RANBP2: variants seen among roughly 807,000 people sequenced by gnomAD.
RANBP2 encodes E3 SUMO-protein ligase RanBP2.
A neutral mutation model predicts 303.6 loss-of-function variants in RANBP2; 57 were observed. That is an observed-to-expected ratio of 0.19 (90% CI 0.15 to 0.23). The LOEUF (loss-of-function observed/expected upper bound fraction) is 0.23, where lower values mean the gene tolerates loss of function less well. Among genes scored for constraint, RANBP2 ranks in the 10% least tolerant of loss-of-function variants. RANBP2 has a pLI of 1.00. For missense variants in RANBP2, 3,138 were observed against 3,780.8 expected, an observed-to-expected ratio of 0.83 and a Z score of 4.46; for synonymous variants, 1,167 against 1,301.5, an observed-to-expected ratio of 0.90 and a Z score of 2.23.
chr2:108,876,212 T>C, the RANBP2 span: 1 of 1,613,108 alleles, frequency 6.2e-7, no homozygotes, highest in Non-Finnish European at 8.5e-7. Context: ...CAATCTGGGT[T>C]TAACAAAATG....
chr2:109,522,725 T>A, the RANBP2 span, among the ~76,000 whole-genome samples: 12 of 152,108 alleles, frequency 7.9e-5, no homozygotes, highest in African/African-American at 2.7e-4. Flanking sequence ...GGCCCTGGCA[T>A]CAGCATCTCC....
chr2:108,977,399 G>A, the RANBP2 span, among the ~76,000 whole-genome samples: 2 of 152,156 alleles, frequency 1.3e-5, no homozygotes, highest in Non-Finnish European at 2.9e-5. Context: ...CTCCCAAGTA[G>A]CTGGGACTAC....
the RANBP2 span, among the ~76,000 whole-genome samples, chr2:109,365,501 T>C: frequency 6.6e-6 from 1 of 152,222 alleles, no homozygotes; most frequent in African/African-American, 2.4e-5. Flanking sequence ...AGTTGCTTTT[T>C]CAGTTTGTTC....
the RANBP2 span, among the ~76,000 whole-genome samples, chr2:109,549,651 G>A: frequency 2.0e-5 from 3 of 152,134 alleles, no homozygotes; most frequent in African/African-American, 4.8e-5. Flanking sequence ...AGTATGGTAC[G>A]ATAGTCCCCC....
the RANBP2 span, among the ~76,000 whole-genome samples, chr2:109,324,089 C>T: frequency 6.6e-6 from 1 of 152,212 alleles, no homozygotes; most frequent in Non-Finnish European, 1.5e-5. Context: ...TTACTTCTTT[C>T]ACTTAGCATA....
chr2:108,876,034 C>A, the RANBP2 span: 1 of 1,152,912 alleles, frequency 8.7e-7, no homozygotes, highest in South Asian at 1.5e-5. Context: ...AGTGTCATTG[C>A]AGATAAACTC....
the RANBP2 span, among the ~76,000 whole-genome samples, chr2:109,151,843 T>C: frequency 6.6e-6 from 1 of 152,252 alleles, no homozygotes; most frequent in Non-Finnish European, 1.5e-5. Flanking sequence ...GGCAACAATA[T>C]GACATTTCCT....
chr2:109,117,077 C>T, the RANBP2 span, among the ~76,000 whole-genome samples: 2 of 152,238 alleles, frequency 1.3e-5, no homozygotes, highest in Non-Finnish European at 2.9e-5. Context: ...GCTCAGGGAT[C>T]AGGGGTCAGG....
chr2:109,603,202 C>A, the RANBP2 span, among the ~76,000 whole-genome samples: 1 of 152,038 alleles, frequency 6.6e-6, no homozygotes, highest in Admixed American at 6.6e-5. Context: ...ACTTACTCCA[C>A]AAATGTACAT....
At chr2:109,614,449 G>A in the RANBP2 span, 66 of 1,202,902 alleles carry the variant, frequency 5.5e-5, no homozygotes, top group Non-Finnish European at 6.8e-5. Context: ...CTATGGGACC[G>A]CGCTGAGCCG....
At chr2:109,461,798 G>A in the RANBP2 span, among the ~76,000 whole-genome samples, 1 of 152,208 alleles carries the variant, frequency 6.6e-6, no homozygotes, top group Non-Finnish European at 1.5e-5. Context: ...ACAGCAGCCT[G>A]GACCTGTTGC....
At chr2:108,740,352 T>C (rs1372532410) in intron 6 of RANBP2, 137 bp from the exon 7 acceptor site, 7 of 1,356,496 alleles carry the variant, frequency 5.2e-6, no homozygotes, top group East Asian at 2.3e-5. Context: ...ATTTATAACA[T>C]GGGGAATAAG....
the RANBP2 span, among the ~76,000 whole-genome samples, chr2:109,084,493 C>T: frequency 6.6e-6 from 1 of 152,212 alleles, no homozygotes; most frequent in African/African-American, 2.4e-5. Context: ...CCTAGTCATT[C>T]AGATTCCTGG....
the RANBP2 span, among the ~76,000 whole-genome samples, chr2:108,950,275 CTT>C: frequency 8.4e-6 from 1 of 119,192 alleles, no homozygotes. Flanking sequence ...CTTTTTCTTT[CTT>C]TCTTTTTTTT....
chr2:109,096,432 T>C, the RANBP2 span, among the ~76,000 whole-genome samples: 1 of 152,214 alleles, frequency 6.6e-6, no homozygotes, highest in South Asian at 2.1e-4. Flanking sequence ...CCTTGTCAAT[T>C]GTGTCTTTGA....
the RANBP2 span, among the ~76,000 whole-genome samples, chr2:109,518,988 G>A: frequency 7.2e-6 from 1 of 138,140 alleles, no homozygotes; most frequent in African/African-American, 2.8e-5. Context: ...ATGCAATATT[G>A]GCTCACTGCA....
chr2:108,884,383 C>G, the RANBP2 span: 1 of 152,134 alleles, frequency 6.6e-6, no homozygotes, highest in Non-Finnish European at 1.5e-5. Context: ...CCACAAGGCA[C>G]AGAATGGGCA....
rs767864047 is a variant in RANBP2, at chr2:108,758,457, C to A, written c.2511C>A (p.Ser837=). 5 of 1,611,512 alleles carry A rather than the reference C, an allele frequency of 3.1e-6. No homozygotes were observed. In the Admixed American group the frequency reaches 8.3e-5, roughly 27 times the overall value. The stretch of plus-strand genomic sequence containing the variant: ...AACTAAATAGCAGTAACTCAGCATC[C>A]CCTCATCGTTGGCCCACAGAGAATT... ...ELKLNSSNSA[S]PHRWPTENYG... Residue 837 remains serine (S), a synonymous_variant, in exon 18 of 29, where the codon TCC becomes TCA. Transcript: ENST00000283195.
the RANBP2 span, among the ~76,000 whole-genome samples, chr2:108,863,494 C>T: frequency 6.6e-6 from 1 of 152,238 alleles, no homozygotes; most frequent in South Asian, 2.1e-4. Context: ...AGTAGAAGAA[C>T]CAGGAAACAA....
Sources: allele counts gnomAD v4.1 joint callset (sites outside exome capture counted in the v4.1 genomes callset), GRCh38; gene constraint gnomAD v4.1.1; transcripts MANE v1.5; gene names NCBI Gene and HGNC (gene_info 2026-07-23, HGNC 2026-07-21).